Variants in DENND5B observed in about 807,000 individuals in gnomAD.
DENND5B encodes DENN domain containing 5B.
A neutral mutation model predicts 140.6 loss-of-function variants in DENND5B; 34 were observed. The observed-to-expected ratio is 0.24, with a 90% CI of 0.18 to 0.32. DENND5B has a LOEUF of 0.32. Among genes scored for constraint, DENND5B ranks in the 10% least tolerant of loss-of-function variants. DENND5B has a pLI of 1.00. For synonymous variants in DENND5B, 551 were observed against 562.1 expected (o/e 0.98, Z 0.28); for missense variants, 1,142 against 1,560.2 (o/e 0.73, Z 4.52).
At position 31,382,326 on chromosome 12, in the gene DENND5B, A is replaced by T. The variant is rs560032740; in HGVS notation, c.*5277T>A. On this transcript the variant is annotated 3_prime_UTR_variant, in exon 21 of 21. Transcript: ENST00000389082. ...ACCCACGTCAGTTTGTCTGATATGT[A>T]TGTTAAAGTGCTTAATATCACAATA... 30 of 152,320 alleles carry T rather than the reference A, an allele frequency of 2.0e-4. No homozygotes were observed. The highest frequency in any genetic ancestry group is 7.0e-4 in the African/African-American group (29 of 41,576). 9.4% of individuals were successfully genotyped at this position (152,320 alleles called of 1,614,324 possible).
chr12:31,497,030 T>C (rs1946786365), intron 1 of DENND5B, among the ~76,000 whole-genome samples: 1 of 151,868 alleles, frequency 6.6e-6, no homozygotes, highest in African/African-American at 2.4e-5. Flanking sequence ...CTATTAAAAA[T>C]ATCACAAAGC....
intron 2 of DENND5B, among the ~76,000 whole-genome samples, chr12:31,494,090 G>A (rs1267772178): frequency 6.6e-6 from 1 of 151,764 alleles, no homozygotes; most frequent in East Asian, 1.9e-4. Context: ...TGAAAACTAT[G>A]ACCTACTTTA....
chr12:31,582,355 T>C (rs1181545092), intron 1 of DENND5B, among the ~76,000 whole-genome samples: 1 of 152,228 alleles, frequency 6.6e-6, no homozygotes, highest in African/African-American at 2.4e-5. Flanking sequence ...AGCTTCTGAC[T>C]GTGCATTCAG....
In DENND5B at chr12:31,384,313, A is replaced by G. The variant is rs1940755484; in HGVS notation, c.*3290T>C. Reference sequence around the variant, plus strand: ...GCTGGGACTACAGGTGTGTACTGCCATGCCCAACATGTCTTATTTCTTTAT... The same window carrying G: ...GCTGGGACTACAGGTGTGTACTGCCGTGCCCAACATGTCTTATTTCTTTAT... On this transcript the variant is annotated 3_prime_UTR_variant, in exon 21 of 21. Coordinates refer to ENST00000389082, the MANE Select transcript of DENND5B (RefSeq NM_144973.4). 6.6e-6 allele frequency: 1 copy of G among 152,202 alleles called. No homozygotes were observed. The highest frequency in any genetic ancestry group is 6.6e-5 in the Admixed American group (1 of 15,262). The allele number at this position is 152,202 out of a possible 1,614,324, so 9.4% of individuals were successfully genotyped here. A position where few individuals can be genotyped will look rare whatever the true frequency, so the allele number is the denominator to read the frequency against.
intron 3 of DENND5B, among the ~76,000 whole-genome samples, chr12:31,473,739 C>T (rs186814737): frequency 1.3e-5 from 2 of 152,268 alleles, no homozygotes; most frequent in East Asian, 1.9e-4. Flanking sequence ...GAAATATCCA[C>T]GGTATCTAAG....
At position 31,460,343 on chromosome 12, in the gene DENND5B, T is replaced by C; in HGVS notation, c.943A>G (p.Thr315Ala). 6.2e-7 allele frequency: 1 copy of C among 1,613,794 alleles called. No homozygotes were observed. Among genetic ancestry groups the C allele is most frequent in the Non-Finnish European group, 8.5e-7 (1 of 1,179,844 alleles). Reference protein sequence around the residue: ...RLMTVAEGITTLLFPFQWQHV... With the variant: ...RLMTVAEGITALLFPFQWQHV... ...TGCCATTGAAATGGGAACAAAAGTG[T>C]GGTGATGCCTTCTGCCACAGTCATC... The change falls in exon 4 of 21, where the codon ACA becomes GCA. Residue 315 changes from threonine (T) to alanine (A), a missense_variant. Coordinates refer to ENST00000389082, the MANE Select transcript of DENND5B (RefSeq NM_144973.4).
chr12:31,545,961 A>AAAAAAAAAAAAAAAAAG (rs1948842606), intron 1 of DENND5B, among the ~76,000 whole-genome samples: 1 of 150,266 alleles, frequency 6.7e-6, no homozygotes, highest in Non-Finnish European at 1.5e-5. Flanking sequence ...AAAAAAAAAA[A>AAAAAAAAAAAAAAAAAG]AAAAAAAAAA....
At chr12:31,530,993 G>C (rs963638794) in intron 1 of DENND5B, among the ~76,000 whole-genome samples, 1 of 152,162 alleles carries the variant, frequency 6.6e-6, no homozygotes, top group Non-Finnish European at 1.5e-5. Context: ...ACACAAAAGG[G>C]AAGCAGAAAC....
intron 2 of DENND5B, among the ~76,000 whole-genome samples, chr12:31,481,641 G>C (rs1946077006): frequency 6.6e-6 from 1 of 152,212 alleles, no homozygotes; most frequent in Non-Finnish European, 1.5e-5. Flanking sequence ...TTGAGGAACT[G>C]AACAGGTCAG....
At chr12:31,583,667 G>A (rs1017182116) in intron 1 of DENND5B, among the ~76,000 whole-genome samples, 10 of 150,564 alleles carry the variant, frequency 6.6e-5, no homozygotes, top group African/African-American at 2.2e-4. Context: ...AACAGAGCAA[G>A]ACTGTGTCTG....
At chr12:31,396,879 C>A (rs1268741376) in intron 17 of DENND5B, among the ~76,000 whole-genome samples, 1 of 152,156 alleles carries the variant, frequency 6.6e-6, no homozygotes, top group Non-Finnish European at 1.5e-5. Context: ...ACTTCGGCCT[C>A]CCAAAGTGTT....
rs1317765727 is a variant in DENND5B, at chr12:31,386,454, T to C, written c.*1149A>G. 1.3e-5 allele frequency: 2 copies of C among 152,406 alleles called. No individual in the cohort carries two copies. Among genetic ancestry groups the C allele is most frequent in the South Asian group, 2.1e-4 (1 of 4,840 alleles). The allele number at this position is 152,406 out of a possible 1,614,324, so 9.4% of individuals were successfully genotyped here. On this transcript the variant is annotated 3_prime_UTR_variant, in exon 21 of 21. Transcript: ENST00000389082. ...TGGCTTTTAGCTTCTCTGGGTCAGT[T>C]GTTTTACATTATTACTCCCCTTCCT...
intron 13 of DENND5B, 54 bp downstream of exon 13, chr12:31,413,381 GT>G: frequency 6.4e-7 from 1 of 1,574,596 alleles, no homozygotes; most frequent in Non-Finnish European, 8.6e-7. Flanking sequence ...TATGCAACTT[GT>G]TTTGTATGCA....
intron 1 of DENND5B, among the ~76,000 whole-genome samples, chr12:31,556,168 T>C (rs1259400): frequency 0.8 from 121,030 of 152,158 alleles, 48,576 homozygotes; most frequent in African/African-American, 0.89. Context: ...AGCTGTAGAC[T>C]GGAGCTGTTC....
intron 1 of DENND5B, among the ~76,000 whole-genome samples, chr12:31,503,570 G>C (rs1330248820): frequency 2.0e-5 from 3 of 152,150 alleles, no homozygotes; most frequent in African/African-American, 7.2e-5. Flanking sequence ...AATTGACACT[G>C]AAAATCACTT....
chr12:31,531,200 T>C (rs2139083583), intron 1 of DENND5B, among the ~76,000 whole-genome samples: 1 of 152,302 alleles, frequency 6.6e-6, no homozygotes, highest in African/African-American at 2.4e-5. Context: ...AACTTTTTTT[T>C]TTTTTCCTTT....
chr12:31,468,019 C>T (rs1472752903), intron 3 of DENND5B, among the ~76,000 whole-genome samples: 3 of 151,666 alleles, frequency 2.0e-5, no homozygotes, highest in African/African-American at 7.3e-5. Flanking sequence ...TTTGAGAGGC[C>T]GAGGTGAAAG....
chr12:31,558,088 G>A (rs1029383698), intron 1 of DENND5B, among the ~76,000 whole-genome samples: 8 of 152,078 alleles, frequency 5.3e-5, no homozygotes, highest in African/African-American at 1.7e-4. Flanking sequence ...AAAAGCAATC[G>A]CATAGACTAG....
At chr12:31,398,138 T>A in intron 17 of DENND5B, 37 bp downstream of exon 17, 1 of 1,539,922 alleles carries the variant, frequency 6.5e-7, no homozygotes, top group Non-Finnish European at 8.8e-7. Context: ...GAAGCCTACA[T>A]CATAGGAGCA....
Sources: gnomAD v4.1 joint callset for allele counts (sites outside exome capture counted in the v4.1 genomes callset) on GRCh38, gnomAD v4.1.1 for gene constraint, MANE v1.5 for transcripts, NCBI Gene and HGNC (gene_info 2026-07-23, HGNC 2026-07-21) for gene names.